The following CNTN3 variants were observed in gnomAD, a reference collection of about 807,000 sequenced individuals.
CNTN3 encodes contactin 3.
A neutral mutation model predicts 119.1 loss-of-function variants in CNTN3; 60 were observed. The ratio of observed to expected loss-of-function variants is 0.50; its 90% CI spans 0.41 to 0.62. The LOEUF (loss-of-function observed/expected upper bound fraction) is 0.62, where lower values mean the gene tolerates loss of function less well. Ranked by LOEUF, CNTN3 falls within the 20% of genes least tolerant of loss-of-function variation. The pLI is 0.00. For synonymous variants in CNTN3, 450 were observed against 438.7 expected, an observed-to-expected ratio of 1.03 and a Z score of -0.32; for missense variants, 1,101 against 1,242.4, an observed-to-expected ratio of 0.89 and a Z score of 1.71.
intron 20 of CNTN3, among the ~76,000 whole-genome samples, chr3:74,279,917 CA>C (rs985163433): frequency 2.0e-5 from 3 of 151,680 alleles, no homozygotes; most frequent in African/African-American, 7.3e-5. Flanking sequence ...TTAACAGGGA[CA>C]AAAAAATAGA....
intron 3 of CNTN3, among the ~76,000 whole-genome samples, chr3:74,490,521 T>C (rs1383601671): frequency 1.3e-5 from 2 of 152,122 alleles, no homozygotes; most frequent in Non-Finnish European, 2.9e-5. Context: ...GATAAAAAAA[T>C]ATGGAGAAGC....
At chr3:74,582,783 T>C (rs868776492) in intron 1 of CNTN3, among the ~76,000 whole-genome samples, 1 of 145,002 alleles carries the variant, frequency 6.9e-6, no homozygotes, top group Non-Finnish European at 1.5e-5. Flanking sequence ...GTGTATGCAT[T>C]TGTGTGTGTG....
At chr3:74,334,568 A>G (rs1231710638) in intron 13 of CNTN3, among the ~76,000 whole-genome samples, 167 bp downstream of exon 13, 1 of 152,248 alleles carries the variant, frequency 6.6e-6, no homozygotes, top group Non-Finnish European at 1.5e-5. Flanking sequence ...AATTTCTGGT[A>G]ATTACAAAAA....
chr3:74,552,422 T>C (rs1262942432), intron 1 of CNTN3, among the ~76,000 whole-genome samples: 1 of 152,176 alleles, frequency 6.6e-6, no homozygotes, highest in Non-Finnish European at 1.5e-5. Context: ...CACCTAGCAA[T>C]GAGTGAGAGT....
chr3:74,338,957 A>G (rs1041986684), intron 11 of CNTN3, among the ~76,000 whole-genome samples: 2 of 152,116 alleles, frequency 1.3e-5, no homozygotes, highest in African/African-American at 4.8e-5. Context: ...CATTTTGTTG[A>G]GTGTGAAATG....
Position 74,594,351 on chromosome 3 carries a change from T to G in CNTN3, c.-81+20040A>C, listed in dbSNP as rs375293479. Among the ~76,000 whole-genome samples the G allele has an allele frequency of 4.9e-3, 745 of 151,244 alleles. 3 individuals carry two copies. Among genetic ancestry groups the G allele is most frequent in the South Asian group, 0.025 (119 of 4,766 alleles). Reference sequence around the variant, plus strand: ...GTACATGTGCACAATGTGCAGGTTATTTACATATGTATACATGTGCCATGC... The same window carrying G: ...GTACATGTGCACAATGTGCAGGTTAGTTACATATGTATACATGTGCCATGC... On this transcript the variant is annotated intron_variant, in intron 1 of 22. Transcript: ENST00000263665.
At chr3:74,269,913 T>C (rs551057405) in intron 20 of CNTN3, among the ~76,000 whole-genome samples, 3 of 152,298 alleles carry the variant, frequency 2.0e-5, no homozygotes, top group East Asian at 1.9e-4. Context: ...TTCTGCAAGA[T>C]GAAAAGGGTT....
At chr3:74,575,397 G>C (rs986913571) in intron 1 of CNTN3, among the ~76,000 whole-genome samples, 2 of 151,518 alleles carry the variant, frequency 1.3e-5, no homozygotes, top group Non-Finnish European at 2.9e-5. Flanking sequence ...GATTACAGAC[G>C]GGTGCCATCA....
In CNTN3 at chr3:74,478,068, C is replaced by A. The variant is rs1168097997; in HGVS notation, c.358+8388G>T. Among the ~76,000 whole-genome samples the A allele has an allele frequency of 2.0e-5, 3 of 152,018 alleles. No individual in the cohort carries two copies. The East Asian group carries it at 5.8e-4, about 29-fold the overall frequency. On this transcript the variant is annotated intron_variant, in intron 4 of 22. Coordinates refer to ENST00000263665, the MANE Select transcript of CNTN3 (RefSeq NM_020872.3). ...GTAGGTAAGAGATAGTCTATAAAGG[C>A]ATAAACCCACAAAGACAGGACAATA...
intron 13 of CNTN3, among the ~76,000 whole-genome samples, chr3:74,305,273 G>A (rs977312006): frequency 2.0e-5 from 3 of 152,182 alleles, no homozygotes; most frequent in Non-Finnish European, 4.4e-5. Flanking sequence ...AAGTTCTGCT[G>A]AAGATGTGGA....
intron 5 of CNTN3, among the ~76,000 whole-genome samples, chr3:74,394,072 GAAT>G (rs1444986676): frequency 1.3e-5 from 2 of 152,112 alleles, no homozygotes; most frequent in Admixed American, 6.5e-5. Context: ...AAAAGAAGAA[GAAT>G]AATAAACTTA....
intron 4 of CNTN3, among the ~76,000 whole-genome samples, chr3:74,465,001 A>G (rs952703853): frequency 6.6e-6 from 1 of 152,190 alleles, no homozygotes; most frequent in Non-Finnish European, 1.5e-5. Flanking sequence ...CAACTGTTGA[A>G]TTTGAAAACA....
At chr3:74,541,513 A>C (rs1002911907) in intron 1 of CNTN3, among the ~76,000 whole-genome samples, 1 of 152,192 alleles carries the variant, frequency 6.6e-6, no homozygotes, top group African/African-American at 2.4e-5. Context: ...TATTTATATA[A>C]AATACAAAAA....
At chr3:74,281,555 C>A (rs771962712) in intron 20 of CNTN3, among the ~76,000 whole-genome samples, 2 of 152,004 alleles carry the variant, frequency 1.3e-5, no homozygotes, top group Admixed American at 1.3e-4. Context: ...ACTATGTTGC[C>A]CAGGCTGGTC....
intron 19 of CNTN3, among the ~76,000 whole-genome samples, 154 bp downstream of exon 19, chr3:74,294,967 G>A (rs1702309190): frequency 6.6e-6 from 1 of 152,094 alleles, no homozygotes; most frequent in African/African-American, 2.4e-5. Context: ...GTTAAATTCA[G>A]TATACATGGA....
At chr3:74,390,142 A>C (rs1704860034) in intron 5 of CNTN3, among the ~76,000 whole-genome samples, 1 of 152,200 alleles carries the variant, frequency 6.6e-6, no homozygotes, top group African/African-American at 2.4e-5. Flanking sequence ...AAGAACAAAA[A>C]TGTCATCTCT....
At chr3:74,567,670 A>C (rs1251689839) in intron 1 of CNTN3, among the ~76,000 whole-genome samples, 1 of 152,106 alleles carries the variant, frequency 6.6e-6, no homozygotes, top group African/African-American at 2.4e-5. Context: ...GAAGACAAAG[A>C]GTGGATCATT....
chr3:74,380,761 T>C (rs1294113477), intron 5 of CNTN3, among the ~76,000 whole-genome samples: 3 of 152,218 alleles, frequency 2.0e-5, no homozygotes, highest in African/African-American at 7.2e-5. Flanking sequence ...ATAAAATATC[T>C]GAAATAATTA....
At chr3:74,555,090 G>A (rs533432037) in intron 1 of CNTN3, among the ~76,000 whole-genome samples, 5 of 152,166 alleles carry the variant, frequency 3.3e-5, no homozygotes, top group South Asian at 2.1e-4. Context: ...ACGTTCAATC[G>A]ATACCTAGTT....
Sources: allele counts gnomAD v4.1 joint callset (sites outside exome capture counted in the v4.1 genomes callset), GRCh38; gene constraint gnomAD v4.1.1; transcripts MANE v1.5; gene names NCBI Gene and HGNC (gene_info 2026-07-23, HGNC 2026-07-21).